Variants in CRTAC1 observed in about 807,000 individuals in gnomAD.
The protein encoded by CRTAC1 is cartilage acidic protein 1.
A neutral mutation model predicts 67.8 loss-of-function variants in CRTAC1; 37 were observed. The observed-to-expected ratio is 0.55, with a 90% confidence interval of 0.42 to 0.72. CRTAC1 has a LOEUF of 0.72. Among genes scored for constraint, CRTAC1 ranks in the 30% least tolerant of loss-of-function variants. The pLI is 0.00. For missense variants in CRTAC1, 780 were observed against 931.6 expected (o/e 0.84, Z 2.12); for synonymous variants, 348 against 371.0 (o/e 0.94, Z 0.71).
At chr10:97,869,898 TCAC>T (rs1235984403) in intron 14 of CRTAC1, 3 of 152,256 alleles carry the variant, frequency 2.0e-5, no homozygotes, top group Non-Finnish European at 4.4e-5. Context: ...ACAGGAGGCA[TCAC>T]CACCTGGTTT....
intron 3 of CRTAC1, among the ~76,000 whole-genome samples, chr10:97,932,663 G>C (rs896402772): frequency 4.6e-5 from 7 of 152,148 alleles, no homozygotes; most frequent in African/African-American, 1.7e-4. Context: ...AAGTACGAAG[G>C]CCTCAGGTGG....
At chr10:97,955,517 T>C (rs964584324) in intron 2 of CRTAC1, among the ~76,000 whole-genome samples, 2 of 152,256 alleles carry the variant, frequency 1.3e-5, no homozygotes, top group African/African-American at 4.8e-5. Flanking sequence ...CTCTTCTCTA[T>C]CCTTTCCTTG....
At position 98,029,993 on chromosome 10, in the gene CRTAC1, G is replaced by A. The variant is rs1843333923; in HGVS notation, c.24+456C>T. Among the ~76,000 whole-genome samples the A allele has an allele frequency of 6.6e-6, 1 of 150,802 alleles. No individual in the cohort carries two copies. The highest frequency in any genetic ancestry group is 1.5e-5 in the Non-Finnish European group (1 of 67,620). On this transcript the variant is annotated intron_variant, in intron 1 of 14. Transcript: ENST00000370597. The surrounding 1 kb of genome is among the most constrained non-coding windows in gnomAD (Gnocchi z 4.7). ...AGCCCGCGGGGCTCTTCCCCAGCCT[G>A]GAAGCGTAGGCACTCGGCCGAGGCC...
chr10:97,873,422 C>T (rs1358249535), intron 14 of CRTAC1, among the ~76,000 whole-genome samples: 1 of 152,200 alleles, frequency 6.6e-6, no homozygotes, highest in African/African-American at 2.4e-5. Flanking sequence ...TCTGTGTCAG[C>T]CTTCGAGGGC....
At chr10:97,923,882 T>C (rs1173577148) in intron 3 of CRTAC1, among the ~76,000 whole-genome samples, 1 of 152,116 alleles carries the variant, frequency 6.6e-6, no homozygotes, top group Non-Finnish European at 1.5e-5. Flanking sequence ...TAGGTCTCAG[T>C]CCACCCTGAG....
rs367570946 is a variant in CRTAC1 at position 97,880,268 on chromosome 10, C to T, written c.1800G>A (p.Glu600=). ...ACTCACCCACGCAGGCTGTGCCATC[C>T]TCGTTGGGCTCGTAGCCCCGACTGC... is the stretch of plus-strand genomic sequence containing the variant. The part of the protein sequence containing the change: ...KKCSRGYEPN[E]DGTACVGTLG... Residue 600 remains glutamate, a synonymous_variant, in exon 14 of 15, where the codon GAG becomes GAA. Coordinates refer to ENST00000370597, the MANE Select transcript of CRTAC1 (RefSeq NM_018058.7). 4.7e-5 allele frequency: 76 copies of T among 1,614,098 alleles called. No homozygotes were observed. The highest frequency in any genetic ancestry group is 6.1e-5 in the Non-Finnish European group (72 of 1,180,034).
chr10:97,892,414 C>T (rs968657331), intron 11 of CRTAC1, among the ~76,000 whole-genome samples: 2 of 152,172 alleles, frequency 1.3e-5, no homozygotes, highest in Admixed American at 6.5e-5. Context: ...AAGCAACCAC[C>T]TACGATACCG....
At chr10:97,901,837 G>A (rs191326412) in intron 7 of CRTAC1, among the ~76,000 whole-genome samples, 198 bp from the exon 8 acceptor site, 105 of 152,300 alleles carry the variant, frequency 6.9e-4, no homozygotes, top group Admixed American at 2.1e-3. Flanking sequence ...GAAGAAGGAG[G>A]GAAGAATAAC....
rs1385134673 is a variant in CRTAC1 at position 97,991,116 on chromosome 10, AAAAAAAAAAAAG to A, written c.224+20010_224+20021del. Among the ~76,000 whole-genome samples, 90 of 148,244 alleles carry A rather than the reference AAAAAAAAAAAAG, an allele frequency of 6.1e-4. 3 individuals are homozygous for A. The highest frequency in any genetic ancestry group is 8.0e-4 in the Non-Finnish European group (54 of 67,150). On this transcript the variant is annotated intron_variant, in intron 2 of 14. Coordinates refer to ENST00000370597, the MANE Select transcript of CRTAC1 (RefSeq NM_018058.7). ...CATCTCTACAAAAAAAAAAAAAAAA[AAAAAAAAAAAAG>A]ATTATCTCAGTGTTGTGGCATGCAC...
At position 97,936,292 on chromosome 10, in the gene CRTAC1, C is replaced by A; in HGVS notation, c.299G>T (p.Arg100Leu). ...KRLVNIAVDE[R>L]SSPYYALRDR... ...CCGCAGCGCGTAGTAGGGTGAGCTG[C>A]GCTCATCGACCGCGATGTTCACCAG... The change falls in exon 3 of 15, where the codon CGC becomes CTC. Residue 100 changes from arginine to leucine, a missense_variant. Transcript: ENST00000370597. 1 of 1,613,942 alleles carries A rather than the reference C, an allele frequency of 6.2e-7. No homozygotes were observed. The highest frequency in any genetic ancestry group is 8.5e-7 in the Non-Finnish European group (1 of 1,179,838).
intron 11 of CRTAC1, among the ~76,000 whole-genome samples, chr10:97,886,432 C>T (rs2050285843): frequency 6.6e-6 from 1 of 152,192 alleles, no homozygotes; most frequent in Non-Finnish European, 1.5e-5. Context: ...GAGACAGAGG[C>T]TCATCCTCAC....
chr10:97,969,217 C>T (rs1241466325), intron 2 of CRTAC1, among the ~76,000 whole-genome samples: 1 of 152,192 alleles, frequency 6.6e-6, no homozygotes, highest in African/African-American at 2.4e-5. Flanking sequence ...TGTATTCACC[C>T]TTGAAAGTGA....
At position 98,029,897 on chromosome 10, in the gene CRTAC1, G is replaced by T. The variant is rs952059755; in HGVS notation, c.24+552C>A. Among the ~76,000 whole-genome samples the T allele has an allele frequency of 1.3e-5, 2 of 152,148 alleles. No homozygotes were observed. The highest frequency in any genetic ancestry group is 4.8e-5 in the African/African-American group (2 of 41,442). On this transcript the variant is annotated intron_variant, in intron 1 of 14. Coordinates refer to ENST00000370597, the MANE Select transcript of CRTAC1 (RefSeq NM_018058.7). The surrounding 1 kb of genome is among the most constrained non-coding windows in gnomAD (Gnocchi z 4.7). ...CGGCTAGCAGCTACGCCGCGCGCGG[G>T]GCTGGCTCCCGGAGCTCTCTGCCAC...
intron 4 of CRTAC1, among the ~76,000 whole-genome samples, chr10:97,918,807 T>G (rs1004240022): frequency 2.3e-5 from 3 of 132,244 alleles, no homozygotes; most frequent in South Asian, 2.4e-4. Context: ...TTTTTTTTTT[T>G]GGGTCTCACT....
At chr10:97,996,790 T>C (rs1842580807) in intron 2 of CRTAC1, among the ~76,000 whole-genome samples, 1 of 152,118 alleles carries the variant, frequency 6.6e-6, no homozygotes, top group South Asian at 2.1e-4. Context: ...CACATGTATG[T>C]TTATTGCAGC....
intron 2 of CRTAC1, among the ~76,000 whole-genome samples, chr10:97,943,050 C>A (rs1308625536): frequency 1.3e-5 from 2 of 150,556 alleles, no homozygotes; most frequent in African/African-American, 4.9e-5. Flanking sequence ...CCAGCCTGGG[C>A]AACAGAGCAA....
chr10:97,902,906 G>A (rs1289333353), intron 7 of CRTAC1, among the ~76,000 whole-genome samples: 1 of 152,044 alleles, frequency 6.6e-6, no homozygotes, highest in Non-Finnish European at 1.5e-5. Flanking sequence ...TGGGTGGGTT[G>A]AGCTGGGCCT....
intron 1 of CRTAC1, among the ~76,000 whole-genome samples, chr10:98,018,658 A>G (rs1454976665): frequency 6.6e-6 from 1 of 152,154 alleles, no homozygotes; most frequent in Non-Finnish European, 1.5e-5. Flanking sequence ...CGGGGCAAAC[A>G]GTTCTTTTGC....
chr10:97,962,520 C>T (rs73332591), intron 2 of CRTAC1, among the ~76,000 whole-genome samples: 3,229 of 152,236 alleles, frequency 0.021, 103 homozygotes, highest in African/African-American at 0.073. Flanking sequence ...AGTAACAACT[C>T]GAGTTGTGGA....
Sources: allele counts gnomAD v4.1 joint callset (sites outside exome capture counted in the v4.1 genomes callset), GRCh38; gene constraint gnomAD v4.1.1; non-coding constraint Gnocchi (gnomAD v3.1); transcripts MANE v1.5; gene names NCBI Gene and HGNC (gene_info 2026-07-23, HGNC 2026-07-21).